Variants in EFCAB11 observed in about 807,000 individuals in gnomAD.
EFCAB11 encodes the protein EF-hand calcium binding domain 11, also known as EF-hand calcium-binding domain-containing protein 11.
EFCAB11 carries 14 observed loss-of-function variants against 23.0 expected under a neutral mutation model. The observed-to-expected ratio is 0.61, with a 90% CI of 0.40 to 0.95. The LOEUF is 0.95. Among genes scored for constraint, EFCAB11 ranks in the 40% least tolerant of loss-of-function variants. EFCAB11 has a pLI of 0.00. For missense variants in EFCAB11, 198 were observed against 195.8 expected, an observed-to-expected ratio of 1.01 and a Z score of -0.07; for synonymous variants, 65 against 66.6, an observed-to-expected ratio of 0.98 and a Z score of 0.11.
chr14:89,952,484 A>AC, intron 2 of EFCAB11: 1 of 985,424 alleles, frequency 1.0e-6, no homozygotes. Context: ...TTACAGGTAA[A>AC]CAGGAGAGCT....
chr14:89,857,593 AGTAACT>A (rs1226936827), intron 5 of EFCAB11, among the ~76,000 whole-genome samples: 1 of 152,122 alleles, frequency 6.6e-6, no homozygotes, highest in Non-Finnish European at 1.5e-5. Flanking sequence ...GAAGCTCCTG[AGTAACT>A]GTAAGATGCC....
At chr14:89,886,473 G>A (rs1043162244) in intron 5 of EFCAB11, among the ~76,000 whole-genome samples, 3 of 135,796 alleles carry the variant, frequency 2.2e-5, no homozygotes, top group Admixed American at 8.4e-5. Context: ...AGCTGAGATC[G>A]CGCCACTGCA....
chr14:89,921,072 A>AAAAAAAAAAAAAAAG (rs796207560), intron 5 of EFCAB11, among the ~76,000 whole-genome samples: 3 of 147,578 alleles, frequency 2.0e-5, no homozygotes, highest in African/African-American at 8.0e-5. Context: ...CTAAAAAAAA[A>AAAAAAAAAAAAAAAG]AAAAGAAAAG....
intron 3 of EFCAB11, among the ~76,000 whole-genome samples, chr14:89,946,781 T>C (rs761430627): frequency 6.6e-6 from 1 of 151,622 alleles, no homozygotes. Context: ...TCATACTATG[T>C]TGACCAGACT....
intron 5 of EFCAB11, among the ~76,000 whole-genome samples, chr14:89,922,406 T>G (rs1180706002): frequency 6.6e-6 from 1 of 152,162 alleles, no homozygotes; most frequent in Non-Finnish European, 1.5e-5. Flanking sequence ...ACGCCACCAG[T>G]GAATTTCAGA....
chr14:89,932,823 G>A (rs373506339), intron 3 of EFCAB11, among the ~76,000 whole-genome samples, 196 bp from the exon 4 acceptor site: 1 of 152,144 alleles, frequency 6.6e-6, no homozygotes, highest in Non-Finnish European at 1.5e-5. Flanking sequence ...ACATTTAACA[G>A]ATCCAACACT....
intron 5 of EFCAB11, among the ~76,000 whole-genome samples, chr14:89,803,984 T>C (rs1049177023): frequency 6.6e-6 from 1 of 152,224 alleles, no homozygotes; most frequent in African/African-American, 2.4e-5. Flanking sequence ...TCTGGTCTTT[T>C]CTAGGCTCCA....
chr14:89,875,774 A>C, intron 5 of EFCAB11, among the ~76,000 whole-genome samples: 1 of 152,212 alleles, frequency 6.6e-6, no homozygotes, highest in East Asian at 1.9e-4. Flanking sequence ...AAGCTGAGCT[A>C]AAGGAATGGA....
chr14:89,840,155 T>A (rs1208542724), intron 5 of EFCAB11, among the ~76,000 whole-genome samples: 1 of 152,184 alleles, frequency 6.6e-6, no homozygotes, highest in African/African-American at 2.4e-5. Context: ...TATATTCAAG[T>A]TTCTCAATAT....
At chr14:89,837,280 C>T (rs1887116777) in intron 5 of EFCAB11, 4 of 352,284 alleles carry the variant, frequency 1.1e-5, no homozygotes, top group South Asian at 8.6e-5. Flanking sequence ...ATTACCTGGG[C>T]TCCCTTCCAG....
At chr14:89,897,573 A>C (rs1162018244) in intron 5 of EFCAB11, among the ~76,000 whole-genome samples, 1 of 152,192 alleles carries the variant, frequency 6.6e-6, no homozygotes, top group African/African-American at 2.4e-5. Flanking sequence ...CCTATGGAAA[A>C]AGGCAGGAAG....
rs368489259 is a variant in EFCAB11, at chr14:89,891,832, G to A, written c.410+39709C>T. ...GCTGCCGCTACCAATTTCGGGTCGC[G>A]CTGCTGGGGGACGCGGCGGTGGGCA... On this transcript the variant is annotated intron_variant, in intron 5 of 5. Transcript: ENST00000316738. Among the ~76,000 whole-genome samples the A allele has an allele frequency of 4.5e-4, 69 of 152,152 alleles. No homozygotes were observed. The East Asian group carries it at 0.012, about 26-fold the overall frequency.
intron 5 of EFCAB11, among the ~76,000 whole-genome samples, chr14:89,880,018 C>T (rs1336288449): frequency 6.6e-6 from 1 of 152,076 alleles, no homozygotes; most frequent in African/African-American, 2.4e-5. Context: ...TAAGATTTGG[C>T]CTATTAATAG....
chr14:89,831,195 A>G (rs1038109984), intron 5 of EFCAB11: 1 of 152,186 alleles, frequency 6.6e-6, no homozygotes, highest in Non-Finnish European at 1.5e-5. Context: ...AAAGAAAGGA[A>G]CTTGGGATGA....
chr14:89,883,344 G>T lies in EFCAB11; in HGVS notation c.410+48197C>A, dbSNP rs1296474969. ...TACTGCCATTAAGCTTTGTCAAAAG[G>T]TGACTGAATATATAAATATAGTCAT... On this transcript the variant is annotated intron_variant, in intron 5 of 5. Coordinates refer to ENST00000316738, the MANE Select transcript of EFCAB11 (RefSeq NM_145231.4). Among the ~76,000 whole-genome samples, 5 of 152,148 alleles carry T rather than the reference G, an allele frequency of 3.3e-5. No homozygotes were observed. In the East Asian group the frequency reaches 9.6e-4, roughly 29 times the overall value.
At chr14:89,829,512 TAAG>T (rs1457559812) in intron 5 of EFCAB11, among the ~76,000 whole-genome samples, 1 of 152,156 alleles carries the variant, frequency 6.6e-6, no homozygotes, top group Non-Finnish European at 1.5e-5. Context: ...TTCTGCAAAA[TAAG>T]AAGACAATTT....
Position 89,900,480 on chromosome 14 carries a change from C to T in EFCAB11, c.410+31061G>A, listed in dbSNP as rs1467222134. ...TATATGCATCATACACACTTACATA[C>T]CACACATACATCTATAAGAAAATAA... On this transcript the variant is annotated intron_variant, in intron 5 of 5. Coordinates refer to ENST00000316738, the MANE Select transcript of EFCAB11 (RefSeq NM_145231.4). Among the ~76,000 whole-genome samples, 3 of 152,142 alleles carry T rather than the reference C, an allele frequency of 2.0e-5. No homozygotes were observed. The East Asian group carries it at 5.8e-4, about 29-fold the overall frequency.
chr14:89,838,768 G>A (rs1468468434), intron 5 of EFCAB11, among the ~76,000 whole-genome samples: 1 of 152,134 alleles, frequency 6.6e-6, no homozygotes, highest in African/African-American at 2.4e-5. Context: ...AGCACATAAG[G>A]ATGTCCACTA....
chr14:89,814,576 T>C (rs1460802218), intron 5 of EFCAB11, among the ~76,000 whole-genome samples: 1 of 151,988 alleles, frequency 6.6e-6, no homozygotes, highest in Non-Finnish European at 1.5e-5. Flanking sequence ...TGGTGGTGCA[T>C]GCCTGTAATC....
Sources: allele counts gnomAD v4.1 joint callset (sites outside exome capture counted in the v4.1 genomes callset), GRCh38; gene constraint gnomAD v4.1.1; transcripts MANE v1.5; gene names NCBI Gene and HGNC (gene_info 2026-07-23, HGNC 2026-07-21).